Variants in FHOD3 observed in about 807,000 individuals in gnomAD.
The protein encoded by FHOD3 is FH1/FH2 domain-containing protein 3.
A neutral mutation model predicts 173.0 loss-of-function variants in FHOD3; 90 were observed. The observed-to-expected ratio is 0.52, with a 90% CI of 0.44 to 0.62. The LOEUF (loss-of-function observed/expected upper bound fraction) is 0.62. FHOD3 is among the 20% of genes least tolerant of loss of function. The probability of loss-of-function intolerance (pLI) is 0.00; values close to 1 mark genes in which losing one functional copy is unlikely to be tolerated. For synonymous variants in FHOD3, 828 were observed against 823.0 expected (o/e 1.01, Z -0.10); for missense variants, 1,945 against 2,034.7 (o/e 0.96, Z 0.85).
At chr18:36,689,775 C>T (rs11659192) in intron 16 of FHOD3, among the ~76,000 whole-genome samples, 7 of 151,946 alleles carry the variant, frequency 4.6e-5, no homozygotes, top group African/African-American at 1.7e-4. Flanking sequence ...TGCTTTATAG[C>T]AAACAGGGGC....
rs183979818 is a variant in FHOD3 at position 36,345,475 on chromosome 18, G to T, written c.166-10064G>T. 1.9e-3 allele frequency among the ~76,000 whole-genome samples: 291 copies of T among 152,210 alleles called. 1 individual carries two copies. Among genetic ancestry groups the T allele is most frequent in the African/African-American group, 6.5e-3 (271 of 41,536 alleles). On this transcript the variant is annotated intron_variant, in intron 1 of 28. Transcript: ENST00000590592. ...ATTTATTGAGACAGTGTCTCTCTCT[G>T]TTGCCCAGGCTAGAGTGCAGTGGCA... is the stretch of plus-strand genomic sequence containing the variant.
At position 36,594,873 on chromosome 18, in the gene FHOD3, T is replaced by C. The variant is rs1172134449; in HGVS notation, c.693T>C (p.Ala231=). Residue 231 remains alanine (A), a synonymous_variant, in exon 7 of 29, where the codon GCT becomes GCC. Transcript: ENST00000590592. ...CCAACGCACCTCTCCTAATTCAGGC[T>C]GTCACTGCTGTTGACACGAAAAGAG... The part of the protein sequence containing the change: ...SESNAPLLIQ[A]VTAVDTKRGV... 1 of 1,613,562 alleles carries C rather than the reference T, an allele frequency of 6.2e-7. No homozygotes were observed. Among genetic ancestry groups the C allele is most frequent in the South Asian group, 1.1e-5 (1 of 90,886 alleles).
intron 1 of FHOD3, among the ~76,000 whole-genome samples, chr18:36,329,120 T>A (rs1277895899): frequency 6.6e-6 from 1 of 152,160 alleles, no homozygotes; most frequent in East Asian, 1.9e-4. Context: ...CCCAAGGGTC[T>A]TACCTAAAAA....
chr18:36,578,889 A>C (rs17747296), intron 6 of FHOD3, among the ~76,000 whole-genome samples: 5,112 of 151,966 alleles, frequency 0.034, 284 homozygotes, highest in East Asian at 0.24. Flanking sequence ...TTGATGAGAG[A>C]ATTTTTCCCC....
chr18:36,461,562 A>G (rs1383538403), intron 3 of FHOD3, among the ~76,000 whole-genome samples: 1 of 151,782 alleles, frequency 6.6e-6, no homozygotes, highest in Non-Finnish European at 1.5e-5. Context: ...AATTAGAGGT[A>G]TTTGAGGACT....
intron 3 of FHOD3, among the ~76,000 whole-genome samples, chr18:36,446,468 CAG>C (rs2144063859): frequency 6.6e-6 from 1 of 152,098 alleles, no homozygotes; most frequent in South Asian, 2.1e-4. Context: ...AGACTGCTCC[CAG>C]AGAGGTCAGG....
rs546372404 is a variant in FHOD3, at chr18:36,402,590, A to G, written c.337+29846A>G. ...GGAAAAGGGACATGTCCAAGGTCAC[A>G]CAGCTAGCAACTGTCGGGCCAGGAC... On this transcript the variant is annotated intron_variant, in intron 3 of 28. Coordinates refer to ENST00000590592, the MANE Select transcript of FHOD3 (RefSeq NM_001281740.3). 5.3e-5 allele frequency among the ~76,000 whole-genome samples: 8 copies of G among 152,052 alleles called. No individual in the cohort carries two copies. In the East Asian group the frequency reaches 1.5e-3, roughly 29 times the overall value.
intron 3 of FHOD3, among the ~76,000 whole-genome samples, chr18:36,458,165 C>A (rs893762808): frequency 1.3e-5 from 2 of 152,124 alleles, no homozygotes; most frequent in Admixed American, 1.3e-4. Flanking sequence ...GAAGTTTCCT[C>A]TGGGGGCATT....
At chr18:36,572,426 A>T (rs1381150176) in intron 5 of FHOD3, among the ~76,000 whole-genome samples, 2 of 152,134 alleles carry the variant, frequency 1.3e-5, no homozygotes, top group Non-Finnish European at 2.9e-5. Context: ...ACATGAATCT[A>T]TTTAGCGCCA....
At chr18:36,383,940 G>C (rs1035969935) in intron 3 of FHOD3, among the ~76,000 whole-genome samples, 2 of 152,192 alleles carry the variant, frequency 1.3e-5, no homozygotes, top group Admixed American at 6.5e-5. Flanking sequence ...CTGTGCTCCA[G>C]GTATCTGAAC....
At chr18:36,649,593 G>C (rs2035916433) in intron 11 of FHOD3, among the ~76,000 whole-genome samples, 188 bp downstream of exon 11, 1 of 152,116 alleles carries the variant, frequency 6.6e-6, no homozygotes, top group African/African-American at 2.4e-5. Context: ...TTTCATTAGA[G>C]AACTGCACTT....
chr18:36,499,585 G>T (rs1490205125), intron 3 of FHOD3, among the ~76,000 whole-genome samples: 1 of 152,154 alleles, frequency 6.6e-6, no homozygotes, highest in Admixed American at 6.5e-5. Context: ...GGGATTTGGG[G>T]ATTCTCAGAT....
At chr18:36,478,213 G>T (rs2053696177) in intron 3 of FHOD3, among the ~76,000 whole-genome samples, 1 of 152,160 alleles carries the variant, frequency 6.6e-6, no homozygotes, top group Non-Finnish European at 1.5e-5. Flanking sequence ...CACCTGTGAT[G>T]TTGGCAAAAT....
intron 3 of FHOD3, among the ~76,000 whole-genome samples, chr18:36,497,108 C>A (rs188847481): frequency 9.9e-5 from 15 of 152,252 alleles, no homozygotes; most frequent in African/African-American, 3.4e-4. Flanking sequence ...TATTTGGGAA[C>A]AGTACTACAT....
At chr18:36,303,611 A>G (rs904051971) in intron 1 of FHOD3, among the ~76,000 whole-genome samples, 9 of 152,144 alleles carry the variant, frequency 5.9e-5, no homozygotes, top group Non-Finnish European at 8.8e-5. Context: ...ACTCAGGAAC[A>G]GCCCTCCCCC....
intron 5 of FHOD3, among the ~76,000 whole-genome samples, chr18:36,574,247 T>C (rs1303761960): frequency 1.3e-5 from 2 of 152,228 alleles, no homozygotes; most frequent in South Asian, 4.1e-4. Context: ...ATGAAGTTAT[T>C]TAACCTCTCT....
intron 19 of FHOD3, among the ~76,000 whole-genome samples, chr18:36,720,735 T>C (rs376324823): frequency 4.0e-5 from 6 of 148,438 alleles, no homozygotes; most frequent in East Asian, 2.0e-4. Context: ...TCCTTCTTCT[T>C]CTCCTCCTCC....
intron 3 of FHOD3, among the ~76,000 whole-genome samples, chr18:36,408,108 C>T (rs545960160): frequency 4.3e-4 from 65 of 152,332 alleles, no homozygotes; most frequent in African/African-American, 1.5e-3. Context: ...CACTGGATGA[C>T]AGCTTCTCCA....
At chr18:36,774,801 T>C (rs1017960881) in intron 28 of FHOD3, among the ~76,000 whole-genome samples, 8 of 152,154 alleles carry the variant, frequency 5.3e-5, no homozygotes, top group African/African-American at 1.7e-4. Context: ...GCCACGAAGG[T>C]CCTATTTTTG....
Sources: gnomAD v4.1 joint callset for allele counts (sites outside exome capture counted in the v4.1 genomes callset) on GRCh38, gnomAD v4.1.1 for gene constraint, MANE v1.5 for transcripts, NCBI Gene and HGNC (gene_info 2026-07-23, HGNC 2026-07-21) for gene names.